Variants in ROR2 observed in about 807,000 individuals in gnomAD.
ROR2 encodes tyrosine-protein kinase transmembrane receptor ROR2.
A neutral mutation model predicts 74.9 loss-of-function variants in ROR2; 33 were observed. The ratio of observed to expected loss-of-function variants is 0.44; its 90% CI spans 0.33 to 0.59. ROR2 has a LOEUF of 0.59. ROR2 is among the 20% of genes least tolerant of loss of function. The pLI is 0.02. For missense variants in ROR2, 1,216 were observed against 1,313.8 expected, an observed-to-expected ratio of 0.93 and a Z score of 1.15; for synonymous variants, 586 against 558.7, an observed-to-expected ratio of 1.05 and a Z score of -0.69.
chr9:91,899,151 CA>C (rs1469923314), intron 1 of ROR2, among the ~76,000 whole-genome samples: 1 of 152,220 alleles, frequency 6.6e-6, no homozygotes, highest in African/African-American at 2.4e-5. Context: ...TCCAGAAACA[CA>C]TGGACCGGAA....
intron 1 of ROR2, among the ~76,000 whole-genome samples, chr9:91,926,618 AT>A (rs1015309439): frequency 6.6e-6 from 1 of 151,914 alleles, no homozygotes; most frequent in African/African-American, 2.4e-5. Flanking sequence ...CATGGGATAC[AT>A]TTTTTTAAAC....
Position 91,819,996 on chromosome 9 carries a change from G to A in ROR2, c.98-44178C>T, listed in dbSNP as rs187409595. ...TGTCTGTACCTGTGTGTCTGTACCC[G>A]TGTGTGTCTGTGTGTGCACACCTGT... On this transcript the variant is annotated intron_variant, in intron 1 of 8. Transcript: ENST00000375708. Among the ~76,000 whole-genome samples, 659 of 152,194 alleles carry A rather than the reference G, an allele frequency of 4.3e-3. 9 individuals carry two copies. The highest frequency in any genetic ancestry group is 1.4e-3 in the East Asian group (7 of 5,178).
chr9:91,925,099 TC>T (rs1383851091), intron 1 of ROR2, among the ~76,000 whole-genome samples: 1 of 152,048 alleles, frequency 6.6e-6, no homozygotes, highest in Admixed American at 6.6e-5. Flanking sequence ...AATCCTCCCA[TC>T]TTGGCCTCCC....
intron 1 of ROR2, among the ~76,000 whole-genome samples, chr9:91,894,144 C>T (rs1402565926): frequency 6.6e-6 from 1 of 152,166 alleles, no homozygotes; most frequent in African/African-American, 2.4e-5. Flanking sequence ...CTCCCAGCAC[C>T]CACCTCTAGG....
intron 1 of ROR2, among the ~76,000 whole-genome samples, chr9:91,869,852 T>A (rs990540356): frequency 1.3e-5 from 2 of 152,206 alleles, no homozygotes; most frequent in Non-Finnish European, 1.5e-5. Flanking sequence ...CAGGAACTTT[T>A]TTAAGAAGAA....
intron 1 of ROR2, among the ~76,000 whole-genome samples, chr9:91,816,701 C>A (rs1160812497): frequency 7.0e-6 from 1 of 142,528 alleles, no homozygotes; most frequent in Non-Finnish European, 1.5e-5. Context: ...CCCCCACCCC[C>A]CCAACACACA....
intron 1 of ROR2, among the ~76,000 whole-genome samples, chr9:91,826,133 AC>A (rs1828282042): frequency 6.6e-6 from 1 of 152,204 alleles, no homozygotes; most frequent in African/African-American, 2.4e-5. Context: ...GGCCAGGGCT[AC>A]CCAGGATACT....
chr9:91,948,511 C>G, intron 1 of ROR2: 6 of 946,480 alleles, frequency 6.3e-6, no homozygotes, highest in Non-Finnish European at 7.6e-6. Context: ...GCTCCCTTCC[C>G]AAATCAAGTA....
At chr9:91,822,685 G>A (rs775945836) in intron 1 of ROR2, among the ~76,000 whole-genome samples, 1 of 152,174 alleles carries the variant, frequency 6.6e-6, no homozygotes, top group Non-Finnish European at 1.5e-5. Flanking sequence ...GATACAGAAT[G>A]TCCAAGTATC....
chr9:91,839,572 G>A (rs117404670), intron 1 of ROR2, among the ~76,000 whole-genome samples: 1,551 of 151,906 alleles, frequency 0.01, 16 homozygotes, highest in Non-Finnish European at 0.018. Context: ...ATGAATGTGA[G>A]GGAGTGTGTT....
Position 91,724,057 on chromosome 9 carries a change from G to C in ROR2, c.2437C>G (p.Pro813Ala). ...ACGGGGACGTAGAGCTGCGGCGGGG[G>C]CACCATGGGTCTGATCTGGCCCTTC... is the stretch of plus-strand genomic sequence containing the variant. The part of the protein sequence containing the change: ...PMKGQIRPMV[P>A]PPQLYVPVNG... The change falls in exon 9 of 9, where the codon CCC becomes GCC. Residue 813 changes from proline (P) to alanine (A), a missense_variant. Coordinates refer to ENST00000375708, the MANE Select transcript of ROR2 (RefSeq NM_004560.4). 1 of 1,610,894 alleles carries C rather than the reference G, an allele frequency of 6.2e-7. No homozygotes were observed. The highest frequency in any genetic ancestry group is 8.5e-7 in the Non-Finnish European group (1 of 1,179,568).
At position 91,850,623 on chromosome 9, in the gene ROR2, A is replaced by C. The variant is rs574392337; in HGVS notation, c.98-74805T>G. Reference sequence around the variant, plus strand: ...TGGGGCTGTGAGGCCACACCCACCCAGGCTAGACTTCTGGCCTGCAGAACT... The same window carrying C: ...TGGGGCTGTGAGGCCACACCCACCCCGGCTAGACTTCTGGCCTGCAGAACT... On this transcript the variant is annotated intron_variant, in intron 1 of 8. Transcript: ENST00000375708. Among the ~76,000 whole-genome samples the C allele has an allele frequency of 7.2e-5, 11 of 152,352 alleles. No individual in the cohort carries two copies. In the East Asian group the frequency reaches 1.9e-3, roughly 27 times the overall value.
intron 1 of ROR2, among the ~76,000 whole-genome samples, chr9:91,882,011 T>G (rs1830124192): frequency 6.6e-6 from 1 of 152,118 alleles, no homozygotes; most frequent in Admixed American, 6.5e-5. Flanking sequence ...CCACCTCTCC[T>G]TGTCATGTAC....
intron 4 of ROR2, among the ~76,000 whole-genome samples, chr9:91,744,837 C>A (rs1047226784): frequency 1.3e-5 from 2 of 152,146 alleles, no homozygotes; most frequent in African/African-American, 4.8e-5. Flanking sequence ...ATTTTATTTT[C>A]CCCTACGCTG....
At chr9:91,849,338 A>T (rs1829028133) in intron 1 of ROR2, among the ~76,000 whole-genome samples, 1 of 152,254 alleles carries the variant, frequency 6.6e-6, no homozygotes, top group African/African-American at 2.4e-5. Context: ...GTAGGTAGAA[A>T]TAAACTGCCA....
At chr9:91,792,359 G>A (rs374139687) in intron 1 of ROR2, among the ~76,000 whole-genome samples, 4 of 129,580 alleles carry the variant, frequency 3.1e-5, no homozygotes, top group Non-Finnish European at 6.4e-5. Context: ...CCAGGTTGGA[G>A]TGCAGTAGTG....
chr9:91,818,305 C>T (rs973551690), intron 1 of ROR2, among the ~76,000 whole-genome samples: 3 of 152,238 alleles, frequency 2.0e-5, no homozygotes, highest in Non-Finnish European at 4.4e-5. Context: ...AAATGTCTTT[C>T]ATTCAGGGAG....
intron 2 of ROR2, among the ~76,000 whole-genome samples, chr9:91,765,207 T>A (rs1354917197): frequency 6.6e-6 from 1 of 152,218 alleles, no homozygotes; most frequent in Non-Finnish European, 1.5e-5. Context: ...CTCCTTACCC[T>A]TTTTGTCTTT....
At chr9:91,832,074 C>T (rs1006325217) in intron 1 of ROR2, among the ~76,000 whole-genome samples, 18 of 152,096 alleles carry the variant, frequency 1.2e-4, no homozygotes, top group African/African-American at 3.9e-4. Flanking sequence ...CACCACAAGG[C>T]TGACCCTGTA....
Sources: gnomAD v4.1 joint callset for allele counts (sites outside exome capture counted in the v4.1 genomes callset) on GRCh38, gnomAD v4.1.1 for gene constraint, MANE v1.5 for transcripts, NCBI Gene and HGNC (gene_info 2026-07-23, HGNC 2026-07-21) for gene names.